The following PTPN20 variants were observed in gnomAD, a reference collection of about 807,000 sequenced individuals.
The protein encoded by PTPN20 is tyrosine-protein phosphatase non-receptor type 20.
Under a neutral mutation model 35.0 loss-of-function variants are expected in PTPN20, and 9 were observed. The ratio of observed to expected loss-of-function variants is 0.26; its 90% CI spans 0.15 to 0.45. The LOEUF (loss-of-function observed/expected upper bound fraction) is 0.45. PTPN20 is among the 20% of genes least tolerant of loss of function. The probability of loss-of-function intolerance (pLI) is 1.00; values close to 1 mark genes in which losing one functional copy is unlikely to be tolerated. For missense variants in PTPN20, 111 were observed against 312.5 expected, an observed-to-expected ratio of 0.36 and a Z score of 4.86; for synonymous variants, 32 against 100.2, an observed-to-expected ratio of 0.32 and a Z score of 4.06.
At chr10:46,977,281 T>G (rs1392099788) in intron 7 of PTPN20, among the ~76,000 whole-genome samples, 97 of 152,242 alleles carry the variant, frequency 6.4e-4, no homozygotes, top group Non-Finnish European at 1.0e-3. Flanking sequence ...GATATTGACT[T>G]GCCAGTCCCC....
intron 4 of PTPN20, among the ~76,000 whole-genome samples, chr10:46,945,663 C>A (rs1380960083): frequency 1.3e-5 from 2 of 152,036 alleles, no homozygotes; most frequent in Non-Finnish European, 1.5e-5. Context: ...ATGCAGAAGT[C>A]AAATTAGGAG....
intron 4 of PTPN20, among the ~76,000 whole-genome samples, chr10:46,944,869 A>G (rs1400135554): frequency 6.8e-6 from 1 of 147,808 alleles, no homozygotes; most frequent in East Asian, 1.9e-4. Flanking sequence ...AGTAAATATT[A>G]TTTTAGAGTA....
intron 3 of PTPN20, 62 bp downstream of exon 3, chr10:46,940,779 C>T: frequency 7.3e-7 from 1 of 1,377,480 alleles, no homozygotes; most frequent in East Asian, 2.3e-5. Context: ...GCTGACTATG[C>T]TCTCTGGGAA....
chr10:46,948,567 C>A (rs1180414553), intron 5 of PTPN20, among the ~76,000 whole-genome samples: 1 of 147,266 alleles, frequency 6.8e-6, no homozygotes, highest in Non-Finnish European at 1.5e-5. Flanking sequence ...CTATGGTGAA[C>A]CATTGGCTTA....
intron 1 of PTPN20, among the ~76,000 whole-genome samples, chr10:46,915,859 A>G (rs2132082737): frequency 1.2e-5 from 1 of 80,314 alleles, no homozygotes; most frequent in Admixed American, 1.1e-4. Flanking sequence ...AAAAATGACC[A>G]GTGCTGGTGT....
chr10:46,976,729 C>CTTTTT (rs1224114409), intron 7 of PTPN20, among the ~76,000 whole-genome samples: 8 of 125,196 alleles, frequency 6.4e-5, no homozygotes, highest in East Asian at 2.1e-4. Context: ...CTACTCTTGT[C>CTTTTT]TTTTTTTTTT....
At chr10:46,937,072 TG>T (rs2041887228) in intron 2 of PTPN20, among the ~76,000 whole-genome samples, 1 of 151,266 alleles carries the variant, frequency 6.6e-6, no homozygotes, top group African/African-American at 2.4e-5. Context: ...TTGTTGTTGT[TG>T]TTTAGTGCAG....
chr10:46,970,513 AAGAG>A (rs1288913453), intron 7 of PTPN20, among the ~76,000 whole-genome samples: 1 of 134,750 alleles, frequency 7.4e-6, no homozygotes, highest in Non-Finnish European at 1.6e-5. Context: ...ATGTATAATC[AAGAG>A]AGAGATTTGG....
chr10:47,000,714 T>C lies in PTPN20; in HGVS notation c.1236T>C (p.Val412=). ...TTTGTTACGATATTGTGCTTGAAGT[T>C]CTTCGGAAACTTCTGACTTTGGATT... ...YHFCYDIVLE[V]LRKLLTLD The change falls in exon 11 of 11, where the codon GTT becomes GTC. Residue 412 remains valine, a synonymous_variant. Transcript: ENST00000374339. 6.2e-7 allele frequency: 1 copy of C among 1,613,612 alleles called. No individual in the cohort carries two copies. Among genetic ancestry groups the C allele is most frequent in the South Asian group, 1.1e-5 (1 of 91,066 alleles).
intron 7 of PTPN20, among the ~76,000 whole-genome samples, chr10:46,983,272 G>C (rs1349720149): frequency 1.3e-5 from 2 of 151,534 alleles, no homozygotes; most frequent in African/African-American, 4.9e-5. Context: ...ATTTACAAGG[G>C]AAAGTTTCTG....
At chr10:47,000,305 G>C (rs1261370051) in intron 10 of PTPN20, among the ~76,000 whole-genome samples, 1 of 152,166 alleles carries the variant, frequency 6.6e-6, no homozygotes, top group Non-Finnish European at 1.5e-5. Flanking sequence ...TTTCTGGATA[G>C]CAGTTTGAGA....
rs1194111876 is a variant in PTPN20 at position 46,984,241 on chromosome 10, C to A, written c.595C>A (p.Arg199Ser). ...TGTTTCTGTAATAGATGATTCAACA[C>A]GCGTTCCTCTTGGAAAAAGCAAGGA... Reference protein sequence around the residue: ...YRDILPYDSTRVPLGKSKDYI... With the variant: ...YRDILPYDSTSVPLGKSKDYI... Residue 199 changes from arginine to serine, a missense_variant, in exon 8 of 11, where the codon CGC (arginine) becomes AGC (serine). This residue lies in a region of PTPN20 where 13 missense variants were observed against 136.4 expected (regional missense o/e 0.10). Transcript: ENST00000374339. 1 of 1,611,902 alleles carries A rather than the reference C, an allele frequency of 6.2e-7. No individual in the cohort carries two copies. Among genetic ancestry groups the A allele is most frequent in the East Asian group, 2.2e-5 (1 of 44,800 alleles).
In PTPN20 at chr10:46,922,835, C is replaced by T. The variant is rs1448235818; in HGVS notation, c.-123-9542C>T. ...CCAGTTTCTCCCTTTTGGAAGGTGA[C>T]TGTCTGTCCTATGCCTGTTGTATTT... On this transcript the variant is annotated intron_variant, in intron 1 of 10. Coordinates refer to ENST00000374339, the MANE Select transcript of PTPN20 (RefSeq NM_001042357.5). Among the ~76,000 whole-genome samples, 21 of 130,428 alleles carry T rather than the reference C, an allele frequency of 1.6e-4. 3 individuals carry two copies. Among genetic ancestry groups the T allele is most frequent in the African/African-American group, 6.8e-4 (19 of 27,792 alleles). 85.6% of individuals were successfully genotyped at this position (130,428 alleles called of 152,430 possible).
downstream of PTPN20, among the ~76,000 whole-genome samples, chr10:47,003,425 A>G (rs1366767364): frequency 5.3e-5 from 8 of 152,122 alleles, no homozygotes; most frequent in Non-Finnish European, 1.2e-4. Flanking sequence ...AAGCTAGAAG[A>G]AAATGATCTT....
At chr10:46,911,936 AATTC>A in intron 1 of PTPN20, 1 of 91,242 alleles carries the variant, frequency 1.1e-5, no homozygotes. Context: ...AAAGAACATG[AATTC>A]ATCAATCCAT....
intron 7 of PTPN20, among the ~76,000 whole-genome samples, chr10:46,977,322 C>A (rs2054047011): frequency 6.6e-6 from 1 of 152,282 alleles, no homozygotes; most frequent in Non-Finnish European, 1.5e-5. Flanking sequence ...TAAAATAAAT[C>A]TTTCTCACTG....
chr10:46,994,127 A>G (rs2058556177), intron 9 of PTPN20, among the ~76,000 whole-genome samples: 2 of 151,600 alleles, frequency 1.3e-5, no homozygotes, highest in Admixed American at 1.3e-4. Flanking sequence ...AATTTATCCC[A>G]CTTCCTCCTG....
At chr10:46,938,854 T>C (rs1289174550) in intron 2 of PTPN20, among the ~76,000 whole-genome samples, 44 of 111,726 alleles carry the variant, frequency 3.9e-4, no homozygotes, top group African/African-American at 1.7e-3. Flanking sequence ...TTTGTCCTAT[T>C]TTCTGGTTGG....
At chr10:46,948,226 C>T (rs2045592180) in intron 5 of PTPN20, among the ~76,000 whole-genome samples, 1 of 152,042 alleles carries the variant, frequency 6.6e-6, no homozygotes, top group Non-Finnish European at 1.5e-5. Context: ...TTACAGATTC[C>T]GTCTCTGTTG....
Sources: allele counts gnomAD v4.1 joint callset (sites outside exome capture counted in the v4.1 genomes callset), GRCh38; gene constraint gnomAD v4.1.1; regional missense constraint gnomAD v4.1.1; transcripts MANE v1.5; gene names NCBI Gene and HGNC (gene_info 2026-07-23, HGNC 2026-07-21).